Variants in RPS6KC1 observed in about 807,000 individuals in gnomAD.
RPS6KC1 encodes the protein inactive ribosomal protein S6 kinase delta-1.
RPS6KC1 carries 54 observed loss-of-function variants against 103.8 expected under a neutral mutation model. The ratio of observed to expected loss-of-function variants is 0.52; its 90% CI spans 0.42 to 0.65. RPS6KC1 has a LOEUF of 0.65. Ranked by LOEUF, RPS6KC1 falls within the 30% of genes least tolerant of loss-of-function variation. RPS6KC1 has a pLI of 0.00. For synonymous variants in RPS6KC1, 439 were observed against 438.7 expected (o/e 1.00, Z -0.01); for missense variants, 1,151 against 1,253.8 (o/e 0.92, Z 1.24).
At chr1:213,329,158 A>C in the RPS6KC1 span, among the ~76,000 whole-genome samples, 2 of 152,158 alleles carry the variant, frequency 1.3e-5, no homozygotes, top group Non-Finnish European at 2.9e-5. Flanking sequence ...TGGAAATTAA[A>C]TTCATCTTGG....
chr1:213,225,569 A>T (rs2093941114), intron 8 of RPS6KC1, among the ~76,000 whole-genome samples: 1 of 152,018 alleles, frequency 6.6e-6, no homozygotes, highest in African/African-American at 2.4e-5. Flanking sequence ...TTGTATTTTT[A>T]GTAGAGACGA....
At chr1:213,727,201 TA>T in the RPS6KC1 span, among the ~76,000 whole-genome samples, 8 of 152,126 alleles carry the variant, frequency 5.3e-5, no homozygotes, top group Admixed American at 3.3e-4. Flanking sequence ...AGTCTGAGAT[TA>T]ATAGATCATC....
At chr1:213,419,590 T>C in the RPS6KC1 span, among the ~76,000 whole-genome samples, 1 of 152,232 alleles carries the variant, frequency 6.6e-6, no homozygotes, top group African/African-American at 2.4e-5. Context: ...TGCAATTTCC[T>C]TCAGCATACT....
At position 213,122,802 on chromosome 1, in the gene RPS6KC1, C is replaced by T. The variant is rs368593211; in HGVS notation, c.472+5392C>T. Among the ~76,000 whole-genome samples, 9 of 152,038 alleles carry T rather than the reference C, an allele frequency of 5.9e-5. No individual in the cohort carries two copies. In the East Asian group the frequency reaches 7.7e-4, roughly 13 times the overall value. ...CTTATTTACCCAACTTATTTTTATT[C>T]CCTGCCCCCAGTTGAATTTTCCTTG... On this transcript the variant is annotated intron_variant, in intron 5 of 14. Transcript: ENST00000366960.
At chr1:213,753,526 C>T in the RPS6KC1 span, among the ~76,000 whole-genome samples, 1 of 152,068 alleles carries the variant, frequency 6.6e-6, no homozygotes, top group Admixed American at 6.6e-5. Context: ...TGTGGATGGT[C>T]CCACCTTCAT....
intron 6 of RPS6KC1, among the ~76,000 whole-genome samples, chr1:213,133,198 C>T (rs2085849913): frequency 6.6e-6 from 1 of 152,102 alleles, no homozygotes; most frequent in African/African-American, 2.4e-5. Context: ...AAGGAATCAA[C>T]TTGAATTTTT....
At chr1:213,812,693 G>A in the RPS6KC1 span, among the ~76,000 whole-genome samples, 1 of 152,100 alleles carries the variant, frequency 6.6e-6, no homozygotes, top group Non-Finnish European at 1.5e-5. Context: ...GAACCAATTC[G>A]TGTAAGGCAA....
intron 8 of RPS6KC1, among the ~76,000 whole-genome samples, chr1:213,217,604 A>G (rs1432721276): frequency 6.6e-6 from 1 of 152,236 alleles, no homozygotes; most frequent in Non-Finnish European, 1.5e-5. Context: ...CCTGATGAAC[A>G]TCGATGCAAA....
the RPS6KC1 span, among the ~76,000 whole-genome samples, chr1:213,602,076 T>C: frequency 6.4e-3 from 283 of 44,386 alleles, 39 homozygotes; most frequent in African/African-American, 0.029. Context: ...CTTTCTTTCT[T>C]TCTCTTTCTT....
the RPS6KC1 span, among the ~76,000 whole-genome samples, chr1:213,568,740 T>C: frequency 6.6e-6 from 1 of 152,218 alleles, no homozygotes; most frequent in East Asian, 1.9e-4. Flanking sequence ...TAGCAAATAA[T>C]GATGCCTGCA....
chr1:213,452,686 CACAGAG>C, the RPS6KC1 span, among the ~76,000 whole-genome samples: 1 of 152,206 alleles, frequency 6.6e-6, no homozygotes. Context: ...GCCTCCGCAG[CACAGAG>C]ACCTCCTCAG....
the RPS6KC1 span, among the ~76,000 whole-genome samples, chr1:213,550,697 G>A: frequency 3.6e-4 from 55 of 152,168 alleles, no homozygotes; most frequent in Admixed American, 1.1e-3. Context: ...CTTGTCCTTT[G>A]TTTAGGCATC....
At chr1:213,266,938 AC>A (rs755351150) in intron 14 of RPS6KC1, among the ~76,000 whole-genome samples, 1 of 108,350 alleles carries the variant, frequency 9.2e-6, no homozygotes, top group South Asian at 2.9e-4. Flanking sequence ...AAACAAACAA[AC>A]AAACAAAAAA....
At chr1:213,784,601 T>C in the RPS6KC1 span, among the ~76,000 whole-genome samples, 1 of 152,154 alleles carries the variant, frequency 6.6e-6, no homozygotes, top group Non-Finnish European at 1.5e-5. Context: ...TTGCTGAAGG[T>C]TGCACAGCAA....
intron 8 of RPS6KC1, among the ~76,000 whole-genome samples, chr1:213,204,917 C>G (rs938085793): frequency 1.3e-5 from 2 of 152,192 alleles, no homozygotes; most frequent in African/African-American, 4.8e-5. Context: ...GCATAAACCA[C>G]AATGCCTGGC....
chr1:213,195,116 T>G (rs1450907251), intron 8 of RPS6KC1, among the ~76,000 whole-genome samples: 1 of 152,186 alleles, frequency 6.6e-6, no homozygotes, highest in Non-Finnish European at 1.5e-5. Flanking sequence ...TCTAGTTTTT[T>G]TGTTTTTGTC....
At chr1:213,740,614 T>C in the RPS6KC1 span, among the ~76,000 whole-genome samples, 1 of 151,288 alleles carries the variant, frequency 6.6e-6, no homozygotes, top group African/African-American at 2.4e-5. Flanking sequence ...TATATATACA[T>C]ATATATATCT....
At chr1:213,186,677 A>G (rs936278542) in intron 8 of RPS6KC1, among the ~76,000 whole-genome samples, 8 of 152,164 alleles carry the variant, frequency 5.3e-5, no homozygotes, top group Non-Finnish European at 1.5e-5. Context: ...GGTGTTGCTC[A>G]GCTCCCTCTT....
chr1:213,568,002 G>A, the RPS6KC1 span, among the ~76,000 whole-genome samples: 128 of 152,272 alleles, frequency 8.4e-4, no homozygotes, highest in Non-Finnish European at 1.7e-3. Flanking sequence ...AGACTGGCTG[G>A]AAGAACAGCA....
Sources: allele counts gnomAD v4.1 joint callset (sites outside exome capture counted in the v4.1 genomes callset), GRCh38; gene constraint gnomAD v4.1.1; transcripts MANE v1.5; gene names NCBI Gene and HGNC (gene_info 2026-07-23, HGNC 2026-07-21).